The following SSX2IP variants were observed in gnomAD, a reference collection of about 807,000 sequenced individuals.
SSX2IP encodes the protein afadin- and alpha-actinin-binding protein.
Under a neutral mutation model 84.9 loss-of-function variants are expected in SSX2IP, and 55 were observed. That is an observed-to-expected ratio of 0.65 (90% CI 0.52 to 0.81). The LOEUF is 0.81. Among genes scored for constraint, SSX2IP ranks in the 30% least tolerant of loss-of-function variants. SSX2IP has a pLI of 0.00. For synonymous variants in SSX2IP, 239 were observed against 234.7 expected (o/e 1.02, Z -0.17); for missense variants, 664 against 705.2 (o/e 0.94, Z 0.66).
chr1:84,681,431 A>C (rs1655064317), intron 1 of SSX2IP, among the ~76,000 whole-genome samples: 1 of 152,206 alleles, frequency 6.6e-6, no homozygotes, highest in Admixed American at 6.5e-5. Flanking sequence ...GAACAGTATG[A>C]TCACCATTTT....
At chr1:84,686,938 T>C (rs969546175) in intron 1 of SSX2IP, among the ~76,000 whole-genome samples, 3 of 152,028 alleles carry the variant, frequency 2.0e-5, no homozygotes, top group Admixed American at 2.0e-4. Flanking sequence ...TGTTAGTTTC[T>C]CTGAATGTAG....
At chr1:84,674,146 T>C (rs1469153428) in intron 1 of SSX2IP, among the ~76,000 whole-genome samples, 2 of 152,126 alleles carry the variant, frequency 1.3e-5, no homozygotes, top group African/African-American at 2.4e-5. Context: ...GAGCCATACC[T>C]CTCTGATAAA....
At position 84,666,175 on chromosome 1, in the gene SSX2IP, ACTGT is replaced by A; in HGVS notation, c.480_483del (p.Arg160SerfsTer13). The A allele has an allele frequency of 6.2e-7, 1 of 1,612,852 alleles. No homozygotes were observed. Among genetic ancestry groups the A allele is most frequent in the Non-Finnish European group, 8.5e-7 (1 of 1,179,332 alleles). On this transcript the variant is annotated frameshift_variant, in exon 5 of 14. Coordinates refer to ENST00000342203, the MANE Select transcript of SSX2IP (RefSeq NM_001166293.2). LOFTEE classifies it high-confidence loss of function. Reference sequence around the variant, plus strand: ...TGCAAATTCCTGTTCTTACATTGTAACTGTCTGTCTCTTTCCTGAAGCCCAATCA... The same window carrying A: ...TGCAAATTCCTGTTCTTACATTGTAACTGTCTCTTTCCTGAAGCCCAATCA...
chr1:84,684,685 C>T (rs919351222), intron 1 of SSX2IP, among the ~76,000 whole-genome samples: 2 of 152,026 alleles, frequency 1.3e-5, no homozygotes, highest in Admixed American at 6.6e-5. Flanking sequence ...TTCACAATAG[C>T]GAGTAGCACA....
intron 11 of SSX2IP, chr1:84,655,394 G>A (rs1650931435): frequency 2.9e-5 from 36 of 1,230,506 alleles, no homozygotes; most frequent in Non-Finnish European, 3.5e-5. Flanking sequence ...AGTAAAAAAA[G>A]CAAGCTGTAG....
chr1:84,674,475 A>G lies in SSX2IP; in HGVS notation c.-89-3167T>C, dbSNP rs1004102455. ...ATTTCATAATCAACTGGTTGGGGGG[A>G]AAAAACAAGGTCAGAAGAAAACAGT... On this transcript the variant is annotated intron_variant, in intron 1 of 13. Coordinates refer to ENST00000342203, the MANE Select transcript of SSX2IP (RefSeq NM_001166293.2). 4.0e-4 allele frequency among the ~76,000 whole-genome samples: 60 copies of G among 150,738 alleles called. 2 individuals are homozygous for G. The highest frequency in any genetic ancestry group is 4.0e-3 in the Admixed American group (60 of 15,102).
At chr1:84,659,048 A>G (rs1484412461) in intron 8 of SSX2IP, among the ~76,000 whole-genome samples, 5 of 152,238 alleles carry the variant, frequency 3.3e-5, no homozygotes, top group African/African-American at 4.8e-5. Flanking sequence ...GATCACACAG[A>G]ATCAAAGCAG....
rs1047342614 is a variant in SSX2IP, at chr1:84,647,503, T to G, written c.1775A>C (p.Gln592Pro). 1.2e-6 allele frequency: 2 copies of G among 1,613,350 alleles called. No homozygotes were observed. Among genetic ancestry groups the G allele is most frequent in the Non-Finnish European group, 1.7e-6 (2 of 1,179,546 alleles). ...KWSVASRPGS[Q>P]EGCYSGCSLS... ...GGAGCATCCACTATAGCAACCTTCC[T>G]GTGATCCAGGTCTTGATGCCACACT... Residue 592 changes from glutamine (Q) to proline (P), a missense_variant, in exon 14 of 14, where the codon CAG becomes CCG. By Grantham distance (76) the Gln-to-Pro change is moderately conservative. Coordinates refer to ENST00000342203, the MANE Select transcript of SSX2IP (RefSeq NM_001166293.2).
chr1:84,667,407 T>C (rs999749058), intron 4 of SSX2IP, among the ~76,000 whole-genome samples: 8 of 152,258 alleles, frequency 5.3e-5, no homozygotes, highest in Non-Finnish European at 1.0e-4. Flanking sequence ...CCATTAGCAC[T>C]ACCTTAGTTC....
At chr1:84,671,378 A>C (rs1557509546) in intron 1 of SSX2IP, 70 bp from the exon 2 acceptor site, 1 of 1,316,768 alleles carries the variant, frequency 7.6e-7, no homozygotes, top group Non-Finnish European at 9.9e-7. Context: ...CCCAATGCTT[A>C]AGAATTAGTT....
At chr1:84,649,412 T>A (rs1649907402) in intron 13 of SSX2IP, among the ~76,000 whole-genome samples, 2 of 152,146 alleles carry the variant, frequency 1.3e-5, no homozygotes, top group African/African-American at 4.8e-5. Context: ...TTACTTGGAG[T>A]CCTAATCCCC....
intron 8 of SSX2IP, among the ~76,000 whole-genome samples, chr1:84,659,033 T>C (rs550158052): frequency 5.9e-5 from 9 of 152,278 alleles, no homozygotes; most frequent in African/African-American, 1.9e-4. Context: ...ACTTTACTGA[T>C]ATATGATCAC....
intron 1 of SSX2IP, among the ~76,000 whole-genome samples, chr1:84,683,513 G>A (rs146646518): frequency 1.2e-3 from 184 of 152,226 alleles, no homozygotes; most frequent in African/African-American, 4.2e-3. Flanking sequence ...CACTTAACAT[G>A]AACTGTATTA....
chr1:84,658,733 C>A (rs1432312539), intron 8 of SSX2IP, among the ~76,000 whole-genome samples: 2 of 152,172 alleles, frequency 1.3e-5, no homozygotes, highest in African/African-American at 4.8e-5. Flanking sequence ...GATATCACTA[C>A]CTGTCTAATG....
chr1:84,651,779 T>A (rs1650289095), intron 12 of SSX2IP, 104 bp downstream of exon 12: 1 of 689,608 alleles, frequency 1.5e-6, no homozygotes, highest in Non-Finnish European at 2.4e-6. Context: ...GAGCTCTAAT[T>A]GGTGATTTCC....
chr1:84,681,540 A>G (rs1655078795), intron 1 of SSX2IP, among the ~76,000 whole-genome samples: 1 of 152,228 alleles, frequency 6.6e-6, no homozygotes, highest in Admixed American at 6.5e-5. Context: ...ATTTGGGTAC[A>G]GGGAGGGGTA....
intron 4 of SSX2IP, among the ~76,000 whole-genome samples, chr1:84,669,295 A>G (rs1557503596): frequency 6.6e-6 from 1 of 152,072 alleles, no homozygotes; most frequent in Non-Finnish European, 1.5e-5. Context: ...CTCATTTGGC[A>G]TCACAGATGC....
In SSX2IP at chr1:84,646,437, T is replaced by TA. The variant is rs980073878; in HGVS notation, c.*995dup. On this transcript the variant is annotated 3_prime_UTR_variant, in exon 14 of 14. Transcript: ENST00000342203. ...ATTTCTTCAGTGGTAAATACCTCAT[T>TA]AAAAAATTATTAAAAAATTATTGAC... 3.9e-5 allele frequency: 6 copies of TA among 152,650 alleles called. No homozygotes were observed. Among genetic ancestry groups the TA allele is most frequent in the East Asian group, 1.9e-4 (1 of 5,190 alleles). 9.5% of individuals were successfully genotyped at this position (152,650 alleles called of 1,614,324 possible).
At chr1:84,666,672 A>T (rs1652821957) in intron 4 of SSX2IP, among the ~76,000 whole-genome samples, 1 of 152,152 alleles carries the variant, frequency 6.6e-6, no homozygotes, top group Non-Finnish European at 1.5e-5. Flanking sequence ...CTGAAGAAAA[A>T]GATGGGTGAC....
Sources: allele counts gnomAD v4.1 joint callset (sites outside exome capture counted in the v4.1 genomes callset), GRCh38; gene constraint gnomAD v4.1.1; transcripts MANE v1.5; gene names NCBI Gene and HGNC (gene_info 2026-07-23, HGNC 2026-07-21).